PRKG1: variants seen among roughly 807,000 people sequenced by gnomAD.
The protein encoded by PRKG1 is protein kinase cGMP-dependent 1, also known as cGMP-dependent protein kinase 1.
A neutral mutation model predicts 88.1 loss-of-function variants in PRKG1; 35 were observed. That is an observed-to-expected ratio of 0.40 (90% CI 0.30 to 0.53). The LOEUF is 0.53. Ranked by LOEUF, PRKG1 falls within the 20% of genes least tolerant of loss-of-function variation. The probability of loss-of-function intolerance (pLI) is 0.59; values close to 1 mark genes in which losing one functional copy is unlikely to be tolerated. For missense variants in PRKG1, 540 were observed against 839.8 expected (o/e 0.64, Z 4.41); for synonymous variants, 303 against 292.5 (o/e 1.04, Z -0.37).
At chr10:51,714,110 G>C (rs2132438569) in intron 3 of PRKG1, among the ~76,000 whole-genome samples, 1 of 152,246 alleles carries the variant, frequency 6.6e-6, no homozygotes, top group East Asian at 1.9e-4. Flanking sequence ...CTCCCGAGTA[G>C]CTGGGACTAC....
At chr10:51,783,650 G>T (rs1937661) in intron 3 of PRKG1, among the ~76,000 whole-genome samples, 1 of 151,850 alleles carries the variant, frequency 6.6e-6, no homozygotes, top group African/African-American at 2.4e-5. Flanking sequence ...GAATTTAAGT[G>T]TGTACGTGTT....
In PRKG1 at chr10:52,061,417, C is replaced by T. The variant is rs550806291; in HGVS notation, c.841-1120C>T. 2.6e-4 allele frequency among the ~76,000 whole-genome samples: 40 copies of T among 152,062 alleles called. No homozygotes were observed. The South Asian group carries it at 4.4e-3, about 17-fold the overall frequency. ...AGTTTTTTTACTTCATCACATTTTC[C>T]GGGTAGGTGAATTTTAACTAACCTT... On this transcript the variant is annotated intron_variant, in intron 6 of 17. Transcript: ENST00000373980.
At chr10:52,063,065 T>A (rs1048844788) in intron 7 of PRKG1, among the ~76,000 whole-genome samples, 2 of 152,062 alleles carry the variant, frequency 1.3e-5, no homozygotes, top group African/African-American at 4.8e-5. Flanking sequence ...AACCTGTGGC[T>A]GGTGGGCGCC....
intron 2 of PRKG1, among the ~76,000 whole-genome samples, chr10:51,218,527 AT>A (rs1395597361): frequency 1.3e-4 from 11 of 82,058 alleles, no homozygotes; most frequent in African/African-American, 5.6e-4. Flanking sequence ...ATATATATAT[AT>A]ATAAAATGTG....
chr10:52,224,808 CATAT>C (rs71032630), intron 9 of PRKG1, among the ~76,000 whole-genome samples: 2,399 of 106,338 alleles, frequency 0.023, 183 homozygotes, highest in African/African-American at 0.044. Flanking sequence ...AGTATTCCAT[CATAT>C]ATATATATAT....
chr10:51,169,262 C>T (rs1479366529), intron 2 of PRKG1, among the ~76,000 whole-genome samples: 2 of 152,116 alleles, frequency 1.3e-5, no homozygotes, highest in African/African-American at 4.8e-5. Context: ...TACATGGTCC[C>T]AGTGTAGTAC....
intron 5 of PRKG1, among the ~76,000 whole-genome samples, chr10:51,934,254 A>ACC (rs58734959): frequency 0.12 from 17,545 of 142,800 alleles, 1,165 homozygotes; most frequent in East Asian, 0.25. Flanking sequence ...ACACACACAT[A>ACC]CCCCCCCCCC....
chr10:52,039,356 C>G (rs902795029), intron 5 of PRKG1, among the ~76,000 whole-genome samples: 1 of 151,916 alleles, frequency 6.6e-6, no homozygotes, highest in East Asian at 1.9e-4. Context: ...CAGGATGAGC[C>G]AGGAAAAGGA....
At chr10:52,275,480 C>A (rs1385806675) in intron 12 of PRKG1, among the ~76,000 whole-genome samples, 1 of 151,996 alleles carries the variant, frequency 6.6e-6, no homozygotes, top group Non-Finnish European at 1.5e-5. Flanking sequence ...TGTCAAAGAT[C>A]AGTTGGCTGT....
chr10:51,334,147 TC>T (rs1841809131), intron 2 of PRKG1, among the ~76,000 whole-genome samples: 1 of 95,544 alleles, frequency 1.0e-5, no homozygotes, highest in Non-Finnish European at 2.2e-5. Flanking sequence ...TCTTTCTCTC[TC>T]TCTTTCTCTC....
chr10:52,081,715 G>T, intron 7 of PRKG1: 2 of 456,480 alleles, frequency 4.4e-6, no homozygotes, highest in Admixed American at 2.3e-5. Flanking sequence ...ATAAAATGGA[G>T]CAGGGTAAGG....
chr10:52,273,867 A>G (rs191371058), intron 12 of PRKG1, among the ~76,000 whole-genome samples: 1 of 152,216 alleles, frequency 6.6e-6, no homozygotes, highest in East Asian at 1.9e-4. Context: ...CCAGTAATAA[A>G]CAAAACAGAT....
intron 7 of PRKG1, among the ~76,000 whole-genome samples, chr10:52,104,253 A>G (rs1360415981): frequency 6.6e-6 from 1 of 151,930 alleles, no homozygotes; most frequent in South Asian, 2.1e-4. Flanking sequence ...CAATAAAGTA[A>G]TAGATAAAAT....
At chr10:51,704,102 C>T (rs377425187) in intron 3 of PRKG1, among the ~76,000 whole-genome samples, 3 of 148,272 alleles carry the variant, frequency 2.0e-5, no homozygotes, top group Non-Finnish European at 4.4e-5. Context: ...TGAGATCGCA[C>T]CACTGCACTC....
intron 3 of PRKG1, among the ~76,000 whole-genome samples, chr10:51,678,483 C>G (rs921303331): frequency 3.3e-5 from 5 of 152,004 alleles, no homozygotes; most frequent in Admixed American, 2.0e-4. Context: ...GGGATGGAGC[C>G]CAGGAATCCT....
chr10:51,822,721 T>C (rs975609619), intron 4 of PRKG1, among the ~76,000 whole-genome samples: 1 of 152,182 alleles, frequency 6.6e-6, no homozygotes, highest in Non-Finnish European at 1.5e-5. Flanking sequence ...CTTAGGGGGC[T>C]AATAATTGTG....
rs554289419 is a variant in PRKG1, at chr10:51,670,741, AAAATAAATAAATAAAT to A, written c.593-133812_593-133797del. ...ACAGAGCGAGACTCCGTCTCAAAAAAAAATAAATAAATAAATAAATAAATAAATAAATAAATAAATA... is the reference window on the plus strand; with the variant it reads ...ACAGAGCGAGACTCCGTCTCAAAAAAAAATAAATAAATAAATAAATAAATA... On this transcript the variant is annotated intron_variant, in intron 3 of 17. Transcript: ENST00000373980. Among the ~76,000 whole-genome samples the A allele has an allele frequency of 2.7e-4, 26 of 94,580 alleles. 1 individual carries two copies. Among genetic ancestry groups the A allele is most frequent in the East Asian group, 1.4e-3 (6 of 4,216 alleles). 62.0% of individuals were successfully genotyped at this position (94,580 alleles called of 152,430 possible). A position where few individuals can be genotyped will look rare whatever the true frequency, so the allele number is the denominator to read the frequency against.
At chr10:52,248,047 G>A (rs573572304) in intron 9 of PRKG1, among the ~76,000 whole-genome samples, 1 of 152,336 alleles carries the variant, frequency 6.6e-6, no homozygotes, top group South Asian at 2.1e-4. Flanking sequence ...GAAATACGTT[G>A]GGCTAGTTAA....
rs1465408695 is a variant in PRKG1 at position 52,288,915 on chromosome 10, A to T, written c.1833-16A>T. On this transcript the variant is annotated splice_polypyrimidine_tract_variant and intron_variant, in intron 15 of 17. Transcript: ENST00000373980. ...TGAAAAAATTAGATTTAATAAAACC[A>T]TTATTTTATTTTTAGGGACAATCCA... 1 of 1,599,346 alleles carries T rather than the reference A, an allele frequency of 6.3e-7. No individual in the cohort carries two copies. Among genetic ancestry groups the T allele is most frequent in the South Asian group, 1.1e-5 (1 of 88,364 alleles).
Sources: allele counts gnomAD v4.1 joint callset (sites outside exome capture counted in the v4.1 genomes callset), GRCh38; gene constraint gnomAD v4.1.1; transcripts MANE v1.5; gene names NCBI Gene and HGNC (gene_info 2026-07-23, HGNC 2026-07-21).